Variants in MIR2052HG observed in about 807,000 individuals in gnomAD.
MIR2052HG encodes MIR2052 host gene.
intron 4 of MIR2052HG, among the ~76,000 whole-genome samples, chr8:74,746,636 A>C (rs1809890619): frequency 6.6e-6 from 1 of 150,478 alleles, no homozygotes; most frequent in Non-Finnish European, 1.5e-5. Flanking sequence ...GAATATTTAC[A>C]TTTGGCCTTG....
intron 4 of MIR2052HG, among the ~76,000 whole-genome samples, chr8:74,714,253 C>T (rs894178637): frequency 1.3e-5 from 2 of 152,128 alleles, no homozygotes; most frequent in Non-Finnish European, 2.9e-5. Context: ...TAGGGTGGCA[C>T]TGTATTGATA....
intron 2 of MIR2052HG, among the ~76,000 whole-genome samples, chr8:74,654,639 T>C (rs1423594654): frequency 6.6e-6 from 1 of 152,174 alleles, no homozygotes; most frequent in Non-Finnish European, 1.5e-5. Context: ...CTGCCATGAT[T>C]CTGAGACCTC....
At chr8:74,733,144 A>G (rs1809711500) in intron 4 of MIR2052HG, among the ~76,000 whole-genome samples, 1 of 151,916 alleles carries the variant, frequency 6.6e-6, no homozygotes, top group Non-Finnish European at 1.5e-5. Context: ...GGTTAGTTAC[A>G]TATGTATACA....
Position 74,696,632 on chromosome 8 carries a change from A to G in MIR2052HG, n.217-5747A>G, listed in dbSNP as rs144523833. 2.6e-5 allele frequency among the ~76,000 whole-genome samples: 4 copies of G among 152,144 alleles called. No homozygotes were observed. The East Asian group carries it at 7.7e-4, about 29-fold the overall frequency. ...ATAAGCTGCATTAGAAAAGAAATGG[A>G]AGATATTACAAACAATACCACAAAA... On this transcript the variant is annotated intron_variant and non_coding_transcript_variant, in intron 2 of 6. Transcript: ENST00000523442.
intron 4 of MIR2052HG, among the ~76,000 whole-genome samples, chr8:74,708,958 A>G (rs1279299589): frequency 6.6e-6 from 1 of 152,142 alleles, no homozygotes; most frequent in Non-Finnish European, 1.5e-5. Context: ...TTAGATTAGT[A>G]GCTTCATCTT....
intron 2 of MIR2052HG, among the ~76,000 whole-genome samples, chr8:74,672,052 C>T (rs896497160): frequency 2.6e-5 from 4 of 152,126 alleles, no homozygotes; most frequent in African/African-American, 7.2e-5. Context: ...ATAATCCCTG[C>T]TAATTGTAAA....
At chr8:74,618,309 G>T (rs1280244290) in intron 2 of MIR2052HG, among the ~76,000 whole-genome samples, 1 of 151,982 alleles carries the variant, frequency 6.6e-6, no homozygotes, top group African/African-American at 2.4e-5. Context: ...ATATCAATTT[G>T]CCCATTTATT....
chr8:74,687,897 A>C (rs541845422), intron 2 of MIR2052HG, among the ~76,000 whole-genome samples: 1 of 152,242 alleles, frequency 6.6e-6, no homozygotes, highest in Non-Finnish European at 1.5e-5. Flanking sequence ...TATTACCTTG[A>C]TTGTGGTGGT....
At chr8:74,661,444 G>A (rs753932255) in intron 2 of MIR2052HG, among the ~76,000 whole-genome samples, 17 of 151,874 alleles carry the variant, frequency 1.1e-4, no homozygotes, top group African/African-American at 1.9e-4. Flanking sequence ...CTCCTGATCC[G>A]CCCACCTCAG....
chr8:74,609,940 G>A (rs941130658), intron 1 of MIR2052HG: 10 of 151,260 alleles, frequency 6.6e-5, no homozygotes, highest in African/African-American at 2.2e-4. Context: ...ACATTATATC[G>A]AAACTTCCAG....
intron 2 of MIR2052HG, among the ~76,000 whole-genome samples, chr8:74,641,875 T>C (rs1404839500): frequency 6.6e-6 from 1 of 152,162 alleles, no homozygotes; most frequent in Non-Finnish European, 1.5e-5. Flanking sequence ...GTTTTGGGTA[T>C]GCTCAATGGT....
At chr8:74,667,619 G>T (rs1002557773) in intron 2 of MIR2052HG, among the ~76,000 whole-genome samples, 1 of 152,004 alleles carries the variant, frequency 6.6e-6, no homozygotes, top group Admixed American at 6.6e-5. Context: ...TCCTCCTTGT[G>T]GTCTGTTTCT....
intron 1 of MIR2052HG, chr8:74,603,300 C>T (rs1157527491): frequency 2.5e-6 from 4 of 1,586,670 alleles, no homozygotes; most frequent in Non-Finnish European, 2.6e-6. Flanking sequence ...AGCTGCTCCC[C>T]ATGCCACCCG....
chr8:74,614,505 T>C (rs982640305), intron 2 of MIR2052HG, among the ~76,000 whole-genome samples: 1 of 152,178 alleles, frequency 6.6e-6, no homozygotes, highest in African/African-American at 2.4e-5. Flanking sequence ...ATTTGGGTTC[T>C]AGTTTTTCTT....
At chr8:74,688,846 T>G (rs1036708215) in intron 2 of MIR2052HG, among the ~76,000 whole-genome samples, 1 of 152,238 alleles carries the variant, frequency 6.6e-6, no homozygotes, top group East Asian at 1.9e-4. Flanking sequence ...CAAAGTTCAT[T>G]ATATCATTTT....
intron 2 of MIR2052HG, among the ~76,000 whole-genome samples, chr8:74,659,068 C>T (rs1808835348): frequency 3.3e-5 from 5 of 152,200 alleles, no homozygotes; most frequent in Admixed American, 2.0e-4. Context: ...AAGTTATGCG[C>T]ACTGTTTTCT....
chr8:74,633,094 A>G (rs1169160050), intron 2 of MIR2052HG: 1 of 152,386 alleles, frequency 6.6e-6, no homozygotes, highest in African/African-American at 2.4e-5. Context: ...ATCATGGCTC[A>G]CTGCAGCCTC....
chr8:74,704,173 T>C (rs1433801245), intron 4 of MIR2052HG, among the ~76,000 whole-genome samples: 1 of 152,040 alleles, frequency 6.6e-6, no homozygotes, highest in Non-Finnish European at 1.5e-5. Context: ...ATCTGCAATG[T>C]GTGGAAGTTA....
At chr8:74,612,688 T>C in intron 1 of MIR2052HG, 1 of 333,452 alleles carries the variant, frequency 3.0e-6, no homozygotes, top group East Asian at 7.7e-5. Flanking sequence ...TTTGTCTGAA[T>C]AACTAAACTA....
Sources: allele counts gnomAD v4.1 joint callset (sites outside exome capture counted in the v4.1 genomes callset), GRCh38; gene constraint gnomAD v4.1.1; transcripts MANE v1.5; gene names NCBI Gene and HGNC (gene_info 2026-07-23, HGNC 2026-07-21).